Variants in BMPR2 observed in about 807,000 individuals in gnomAD.
The protein encoded by BMPR2 is bone morphogenetic protein receptor type 2.
BMPR2 carries 29 observed loss-of-function variants against 100.8 expected under a neutral mutation model. The ratio of observed to expected loss-of-function variants is 0.29; its 90% confidence interval spans 0.21 to 0.39. BMPR2 has a LOEUF of 0.39. Ranked by LOEUF, BMPR2 falls within the 10% of genes least tolerant of loss-of-function variation. The pLI is 1.00. For missense variants in BMPR2, 1,011 were observed against 1,274.5 expected (o/e 0.79, Z 3.15); for synonymous variants, 382 against 442.3 (o/e 0.86, Z 1.71).
intron 1 of BMPR2, among the ~76,000 whole-genome samples, chr2:202,385,092 A>G (rs1307172451): frequency 6.6e-6 from 1 of 152,170 alleles, no homozygotes; most frequent in East Asian, 1.9e-4. Flanking sequence ...TTTGGCCAGT[A>G]ATCCAAATTC....
chr2:202,535,529 C>T (rs1004674305), intron 9 of BMPR2, among the ~76,000 whole-genome samples: 10 of 151,194 alleles, frequency 6.6e-5, no homozygotes, highest in African/African-American at 2.4e-4. Flanking sequence ...GATGTGATGG[C>T]GGCCAGGAAG....
intron 1 of BMPR2, among the ~76,000 whole-genome samples, chr2:202,460,655 A>G (rs1692207933): frequency 6.6e-6 from 1 of 152,146 alleles, no homozygotes; most frequent in Admixed American, 6.5e-5. Context: ...GAACGATAAA[A>G]GAGAATGTGC....
chr2:202,450,861 A>G lies in BMPR2; in HGVS notation c.77-13948A>G, dbSNP rs534218203. ...CATATATTTCATAACAGAATTTGTG[A>G]TACTCTGAAATCCCAGTTGTATTTG... On this transcript the variant is annotated intron_variant, in intron 1 of 12. Coordinates refer to ENST00000374580, the MANE Select transcript of BMPR2 (RefSeq NM_001204.7). 2.2e-4 allele frequency among the ~76,000 whole-genome samples: 34 copies of G among 152,286 alleles called. 1 individual carries two copies. The highest frequency in any genetic ancestry group is 8.2e-4 in the African/African-American group (34 of 41,568).
chr2:202,428,994 C>T (rs966043670), intron 1 of BMPR2, among the ~76,000 whole-genome samples: 3 of 152,138 alleles, frequency 2.0e-5, no homozygotes, highest in Non-Finnish European at 4.4e-5. Flanking sequence ...AAAGCAAAAG[C>T]AAGTTTAAGA....
intron 1 of BMPR2, among the ~76,000 whole-genome samples, chr2:202,450,309 ATAATT>A (rs1364634834): frequency 6.6e-6 from 1 of 152,218 alleles, no homozygotes; most frequent in Non-Finnish European, 1.5e-5. Flanking sequence ...CAGCAAAATG[ATAATT>A]TAATCTGTTG....
chr2:202,555,769 A>G lies in BMPR2; in HGVS notation c.2104A>G (p.Thr702Ala). 1 of 1,614,180 alleles carries G rather than the reference A, an allele frequency of 6.2e-7. No homozygotes were observed. Among genetic ancestry groups the G allele is most frequent in the Non-Finnish European group, 8.5e-7 (1 of 1,180,038 alleles). The change falls in exon 12 of 13, where the codon ACT becomes GCT. Residue 702 changes from threonine to alanine, a missense_variant. Physicochemically the swap from Thr to Ala is moderately conservative, Grantham distance 58. Transcript: ENST00000374580. Reference sequence around the variant, plus strand: ...CAGTGGCCCAGACCCACTGAGCAGTACTAGTTCTAGCTTGCTTTACCCACT... The same window carrying G: ...CAGTGGCCCAGACCCACTGAGCAGTGCTAGTTCTAGCTTGCTTTACCCACT... ...QFSGPDPLSS[T>A]SSSLLYPLIK...
At position 202,467,171 on chromosome 2, in the gene BMPR2, G is replaced by T. The variant is rs112897196; in HGVS notation, c.248-348G>T. The T allele has an allele frequency of 3.3e-3, 1,068 of 324,142 alleles. 14 individuals are homozygous for T. The highest frequency in any genetic ancestry group is 0.021 in the African/African-American group (964 of 45,854). 20.1% of individuals were successfully genotyped at this position (324,142 alleles called of 1,614,324 possible). ...CCAGCTACTCGGGAGGCTAAGGTAG[G>T]AGAATCGCTTGAACCCGGGAGGTGG... On this transcript the variant is annotated intron_variant, in intron 2 of 12. Coordinates refer to ENST00000374580, the MANE Select transcript of BMPR2 (RefSeq NM_001204.7).
intron 3 of BMPR2, among the ~76,000 whole-genome samples, chr2:202,500,910 C>T (rs545884699): frequency 3.9e-5 from 6 of 152,326 alleles, no homozygotes; most frequent in South Asian, 2.1e-4. Flanking sequence ...ACAGACCACA[C>T]GTCCCAACTT....
At chr2:202,465,205 A>G (rs1455091290) in intron 2 of BMPR2, among the ~76,000 whole-genome samples, 1 of 152,048 alleles carries the variant, frequency 6.6e-6, no homozygotes, top group Non-Finnish European at 1.5e-5. Flanking sequence ...GGGTAATAAC[A>G]TGGTGAAACC....
chr2:202,510,204 G>A (rs1189676319), intron 3 of BMPR2, among the ~76,000 whole-genome samples: 1 of 152,176 alleles, frequency 6.6e-6, no homozygotes, highest in Non-Finnish European at 1.5e-5. Context: ...AGATCACGAG[G>A]TCAGGAGTTC....
chr2:202,549,918 G>A (rs951791187), intron 10 of BMPR2, among the ~76,000 whole-genome samples: 5 of 151,880 alleles, frequency 3.3e-5, no homozygotes, highest in African/African-American at 7.3e-5. Flanking sequence ...TGGGGGTGGT[G>A]GAGGGAGTAC....
intron 3 of BMPR2, among the ~76,000 whole-genome samples, chr2:202,469,118 C>T (rs2105963561): frequency 6.6e-6 from 1 of 152,312 alleles, no homozygotes; most frequent in East Asian, 1.9e-4. Context: ...ACAACCTCTG[C>T]CTCCCAGGTT....
At chr2:202,505,928 C>G (rs1687511988) in intron 3 of BMPR2, among the ~76,000 whole-genome samples, 1 of 152,134 alleles carries the variant, frequency 6.6e-6, no homozygotes. Flanking sequence ...GTCATGGTTG[C>G]TAATATTTGA....
At chr2:202,549,824 C>A (rs1040261317) in intron 10 of BMPR2, among the ~76,000 whole-genome samples, 1 of 152,082 alleles carries the variant, frequency 6.6e-6, no homozygotes, top group African/African-American at 2.4e-5. Flanking sequence ...ACATTCTGGC[C>A]AGCAGTGCAT....
At chr2:202,407,938 A>G (rs879275865) in intron 1 of BMPR2, among the ~76,000 whole-genome samples, 66 of 149,914 alleles carry the variant, frequency 4.4e-4, no homozygotes, top group Non-Finnish European at 6.8e-4. Flanking sequence ...GGTTCACTCC[A>G]TTCTCCTGCC....
rs539218422 is a variant in BMPR2 at position 202,477,788 on chromosome 2, A to AAAAT, written c.418+10118_418+10121dup. Among the ~76,000 whole-genome samples the AAAAT allele has an allele frequency of 2.0e-3, 304 of 152,204 alleles. 2 individuals carry two copies. Among genetic ancestry groups the AAAAT allele is most frequent in the African/African-American group, 6.0e-3 (251 of 41,530 alleles). On this transcript the variant is annotated intron_variant, in intron 3 of 12. Coordinates refer to ENST00000374580, the MANE Select transcript of BMPR2 (RefSeq NM_001204.7). ...GGCGACAGAGTGAGACTCCATCTCC[A>AAAAT]AAATAAATAAATAAATAAATAATAA...
At chr2:202,543,508 A>G (rs1483319837) in intron 10 of BMPR2, among the ~76,000 whole-genome samples, 4 of 151,584 alleles carry the variant, frequency 2.6e-5, no homozygotes, top group Non-Finnish European at 5.9e-5. Context: ...TCAGTATTCT[A>G]TTGATAAAAT....
intron 1 of BMPR2, among the ~76,000 whole-genome samples, chr2:202,451,980 C>T (rs952913829): frequency 1.3e-5 from 2 of 152,032 alleles, no homozygotes; most frequent in Admixed American, 1.3e-4. Context: ...TCTCAACCTC[C>T]CGACCTTAGG....
At chr2:202,419,114 G>C (rs749742896) in intron 1 of BMPR2, among the ~76,000 whole-genome samples, 12 of 152,036 alleles carry the variant, frequency 7.9e-5, no homozygotes, top group Non-Finnish European at 1.6e-4. Context: ...AGAAGAAAAA[G>C]GTCAGAGTTT....
Sources: allele counts gnomAD v4.1 joint callset (sites outside exome capture counted in the v4.1 genomes callset), GRCh38; gene constraint gnomAD v4.1.1; transcripts MANE v1.5; gene names NCBI Gene and HGNC (gene_info 2026-07-23, HGNC 2026-07-21).